Variants in MYRFL observed in about 807,000 individuals in gnomAD.
MYRFL encodes myelin regulatory factor like, also known as myelin regulatory factor-like protein.
MYRFL carries 88 observed loss-of-function variants against 109.4 expected under a neutral mutation model. That is an observed-to-expected ratio of 0.80 (90% CI 0.68 to 0.96). The LOEUF (loss-of-function observed/expected upper bound fraction) is 0.96. Ranked by LOEUF, MYRFL falls within the 40% of genes least tolerant of loss-of-function variation. MYRFL has a pLI of 0.00. For missense variants in MYRFL, 957 were observed against 954.9 expected, an observed-to-expected ratio of 1.00 and a Z score of -0.03; for synonymous variants, 324 against 320.9, an observed-to-expected ratio of 1.01 and a Z score of -0.10.
chr12:69,929,802 G>T (rs769010672), intron 15 of MYRFL, among the ~76,000 whole-genome samples: 2 of 151,974 alleles, frequency 1.3e-5, no homozygotes, highest in African/African-American at 4.8e-5. Flanking sequence ...AGCCTTCCCC[G>T]TGTCTCATTT....
chr12:69,953,452 G>A (rs1183522975), intron 21 of MYRFL, among the ~76,000 whole-genome samples: 1 of 152,150 alleles, frequency 6.6e-6, no homozygotes, highest in Non-Finnish European at 1.5e-5. Flanking sequence ...AAAGAGTACA[G>A]TGTGCCAGTT....
At chr12:69,868,092 C>T (rs1306370214) in intron 2 of MYRFL, among the ~76,000 whole-genome samples, 2 of 150,628 alleles carry the variant, frequency 1.3e-5, no homozygotes, top group South Asian at 4.2e-4. Flanking sequence ...CATCAAGCCT[C>T]GGTTTCTTTT....
chr12:69,911,900 T>C (rs1954583793), intron 13 of MYRFL, among the ~76,000 whole-genome samples: 1 of 152,208 alleles, frequency 6.6e-6, no homozygotes, highest in Non-Finnish European at 1.5e-5. Flanking sequence ...GGGAATCTTA[T>C]TAAAGTGTGG....
chr12:69,890,636 G>A (rs1385602945), intron 6 of MYRFL, among the ~76,000 whole-genome samples: 2 of 152,182 alleles, frequency 1.3e-5, no homozygotes, highest in Non-Finnish European at 2.9e-5. Flanking sequence ...TCAGGAGGTT[G>A]AGGCAGGAGA....
At chr12:69,910,617 T>A (rs1299114680) in intron 12 of MYRFL, among the ~76,000 whole-genome samples, 2 of 141,548 alleles carry the variant, frequency 1.4e-5, no homozygotes, top group Admixed American at 1.5e-4. Context: ...ACCTCCCCCC[T>A]GTTGGCCCAG....
chr12:69,878,945 C>A (rs1266243708), intron 2 of MYRFL, 83 bp from the exon 3 acceptor site: 2 of 700,856 alleles, frequency 2.9e-6, no homozygotes, highest in Non-Finnish European at 5.2e-6. Context: ...GGGGGCTGTA[C>A]ACTGAGGGTT....
intron 2 of MYRFL, among the ~76,000 whole-genome samples, chr12:69,868,717 C>A (rs1196483790): frequency 6.6e-6 from 1 of 152,188 alleles, no homozygotes; most frequent in Admixed American, 6.5e-5. Flanking sequence ...TCTGCCAAAA[C>A]CCTTTCCTGT....
chr12:69,864,329 AT>A (rs1017605631), intron 2 of MYRFL, among the ~76,000 whole-genome samples: 1 of 148,282 alleles, frequency 6.7e-6, no homozygotes, highest in African/African-American at 2.5e-5. Flanking sequence ...GGCTCAGTTC[AT>A]TTTTTTTTCA....
At chr12:69,834,016 T>C (rs1646877515) in intron 1 of MYRFL, among the ~76,000 whole-genome samples, 1 of 152,130 alleles carries the variant, frequency 6.6e-6, no homozygotes, top group Non-Finnish European at 1.5e-5. Context: ...AAACTCATAA[T>C]GTAAGTCCAC....
chr12:69,863,248 G>C (rs533609389), intron 2 of MYRFL, among the ~76,000 whole-genome samples: 10 of 152,290 alleles, frequency 6.6e-5, no homozygotes, highest in Non-Finnish European at 5.9e-5. Context: ...TTGGTATCAG[G>C]ATGATGCTGG....
intron 2 of MYRFL, among the ~76,000 whole-genome samples, chr12:69,875,280 T>C (rs1324581633): frequency 6.6e-6 from 1 of 152,072 alleles, no homozygotes; most frequent in Non-Finnish European, 1.5e-5. Flanking sequence ...TAATAATTTT[T>C]TTAAATTTTT....
intron 1 of MYRFL, among the ~76,000 whole-genome samples, chr12:69,851,868 C>T (rs373859966): frequency 5.9e-5 from 9 of 152,132 alleles, no homozygotes; most frequent in Non-Finnish European, 1.2e-4. Flanking sequence ...CGCTACGTTG[C>T]CCAGGCTGGT....
chr12:69,950,736 G>C (rs754258750), intron 19 of MYRFL, among the ~76,000 whole-genome samples: 2 of 152,128 alleles, frequency 1.3e-5, no homozygotes, highest in Non-Finnish European at 2.9e-5. Flanking sequence ...CTTGTCACTG[G>C]AGGTGTTCAA....
rs116157765 is a variant in MYRFL at position 69,900,393 on chromosome 12, G to A, written c.1182+3147G>A. On this transcript the variant is annotated intron_variant, in intron 10 of 24. Coordinates refer to ENST00000552032, the MANE Select transcript of MYRFL (RefSeq NM_182530.3). The stretch of plus-strand genomic sequence containing the variant: ...TGTCAACTACAGAAGGGCAACTTAC[G>A]ACCAGGAGTACATGGCATAAAGAAG... Among the ~76,000 whole-genome samples the A allele has an allele frequency of 4.8e-3, 730 of 152,250 alleles. 10 individuals carry two copies. The highest frequency in any genetic ancestry group is 0.016 in the African/African-American group (664 of 41,550).
At chr12:69,850,818 GT>G (rs1337163900) in intron 1 of MYRFL, among the ~76,000 whole-genome samples, 1 of 151,224 alleles carries the variant, frequency 6.6e-6, no homozygotes, top group African/African-American at 2.4e-5. Flanking sequence ...TGTATTCTTT[GT>G]TTTTTTTCTT....
chr12:69,871,940 C>G (rs904526696), intron 2 of MYRFL, among the ~76,000 whole-genome samples: 1 of 152,194 alleles, frequency 6.6e-6, no homozygotes, highest in African/African-American at 2.4e-5. Flanking sequence ...TTGGTTCTAT[C>G]AACTTGTTCT....
intron 13 of MYRFL, among the ~76,000 whole-genome samples, chr12:69,920,860 C>T (rs1194212394): frequency 1.3e-5 from 2 of 152,210 alleles, no homozygotes; most frequent in Non-Finnish European, 2.9e-5. Flanking sequence ...CGGACTGCCT[C>T]TAGTGCCCAT....
At chr12:69,942,108 A>G (rs1407751195) in intron 19 of MYRFL, among the ~76,000 whole-genome samples, 4 of 133,242 alleles carry the variant, frequency 3.0e-5, no homozygotes, top group East Asian at 4.4e-4. Flanking sequence ...CCAGAGGTAC[A>G]AGGAGGAACT....
chr12:69,938,617 A>G (rs1306217222), intron 19 of MYRFL, among the ~76,000 whole-genome samples: 6 of 152,188 alleles, frequency 3.9e-5, no homozygotes, highest in African/African-American at 1.2e-4. Flanking sequence ...GCTAATGTGT[A>G]TATTTGCACT....
Sources: gnomAD v4.1 joint callset for allele counts (sites outside exome capture counted in the v4.1 genomes callset) on GRCh38, gnomAD v4.1.1 for gene constraint, MANE v1.5 for transcripts, NCBI Gene and HGNC (gene_info 2026-07-23, HGNC 2026-07-21) for gene names.